Variants in LYPD1 observed in about 807,000 individuals in gnomAD.
LYPD1 encodes ly6/PLAUR domain-containing protein 1.
Under a neutral mutation model 14.2 loss-of-function variants are expected in LYPD1, and 14 were observed. That is an observed-to-expected ratio of 0.99 (90% confidence interval 0.65 to 1.54). The LOEUF is 1.54. Among genes scored for constraint, LYPD1 ranks in the 40% most tolerant of loss-of-function variants. The pLI, the probability that LYPD1 is intolerant of heterozygous loss-of-function variation, is 0.00. For synonymous variants in LYPD1, 85 were observed against 70.6 expected (o/e 1.20, Z -1.02); for missense variants, 165 against 175.7 (o/e 0.94, Z 0.34).
intron 2 of LYPD1, among the ~76,000 whole-genome samples, chr2:132,653,190 A>C (rs1682421867): frequency 6.6e-6 from 1 of 152,162 alleles, no homozygotes; most frequent in Non-Finnish European, 1.5e-5. Flanking sequence ...AAGAACATGA[A>C]CCCTGGAGTC....
chr2:132,662,439 C>A (rs554968528), intron 2 of LYPD1, among the ~76,000 whole-genome samples: 20 of 152,284 alleles, frequency 1.3e-4, no homozygotes, highest in Middle Eastern at 3.4e-3. Context: ...GTTCTCTCCC[C>A]TAAGGGAGCC....
intron 2 of LYPD1, among the ~76,000 whole-genome samples, chr2:132,661,321 G>A (rs1164561534): frequency 6.6e-6 from 1 of 152,232 alleles, no homozygotes; most frequent in Non-Finnish European, 1.5e-5. Flanking sequence ...GCAGATGTTT[G>A]ATGAACACCA....
rs775525749 is a variant in LYPD1 at position 132,643,785 on chromosome 2, A to G, written c.*2260T>C. 6.6e-5 allele frequency among the ~76,000 whole-genome samples: 10 copies of G among 152,124 alleles called. No homozygotes were observed. Among genetic ancestry groups the G allele is most frequent in the Middle Eastern group, 3.2e-3 (1 of 316 alleles). On this transcript the variant is annotated 3_prime_UTR_variant, in exon 3 of 3. Transcript: ENST00000397463. ...TCCTTCTGCCTTGGCCTCCCAGAGT[A>G]TTGAGATATCAGGCATGCGCCACCA...
intron 2 of LYPD1, among the ~76,000 whole-genome samples, chr2:132,657,373 C>T (rs1682661228): frequency 6.6e-6 from 1 of 152,180 alleles, no homozygotes; most frequent in African/African-American, 2.4e-5. Flanking sequence ...TCAGTATTAA[C>T]AGTGCCCCCT....
chr2:132,644,844 G>A lies in LYPD1; in HGVS notation c.*1201C>T, dbSNP rs1382204696. On this transcript the variant is annotated 3_prime_UTR_variant, in exon 3 of 3. Coordinates refer to ENST00000397463, the MANE Select transcript of LYPD1 (RefSeq NM_144586.7). Reference sequence around the variant, plus strand: ...TTTTTAAAATTAACAGACATCAACTGGTATAAATACACTGTCTAAAGCATT... The same window carrying A: ...TTTTTAAAATTAACAGACATCAACTAGTATAAATACACTGTCTAAAGCATT... 11 of 476,262 alleles carry A rather than the reference G, an allele frequency of 2.3e-5. No homozygotes were observed. The highest frequency in any genetic ancestry group is 3.3e-5 in the Non-Finnish European group (9 of 271,856). The allele number at this position is 476,262 out of a possible 1,614,324, so 29.5% of individuals were successfully genotyped here. A position where few individuals can be genotyped will look rare whatever the true frequency, so the allele number is the denominator to read the frequency against.
At chr2:132,648,324 G>A (rs1682219078) in intron 2 of LYPD1, among the ~76,000 whole-genome samples, 1 of 152,254 alleles carries the variant, frequency 6.6e-6, no homozygotes, top group African/African-American at 2.4e-5. Context: ...TCAGTAAGGT[G>A]AAAATGGACC....
At position 132,645,437 on chromosome 2, in the gene LYPD1, G is replaced by T. The variant is rs2104886944; in HGVS notation, c.*608C>A. The T allele has an allele frequency of 1.9e-6, 3 of 1,613,544 alleles. No individual in the cohort carries two copies. Among genetic ancestry groups the T allele is most frequent in the Non-Finnish European group, 2.5e-6 (3 of 1,180,028 alleles). On this transcript the variant is annotated 3_prime_UTR_variant, in exon 3 of 3. Transcript: ENST00000397463. ...CGCCCGTTGCTCTTCGCGTCCCGGC[G>T]CCAGTCCTCTGCAAGGAGAACTGAG... is the stretch of plus-strand genomic sequence containing the variant.
chr2:132,658,782 G>A (rs1682751547), intron 2 of LYPD1, among the ~76,000 whole-genome samples: 1 of 152,174 alleles, frequency 6.6e-6, no homozygotes, highest in Admixed American at 6.5e-5. Flanking sequence ...TGCATCTTCT[G>A]TGTGGGTGAG....
rs975770611 is a variant in LYPD1 at position 132,643,317 on chromosome 2, G to A, written c.*2728C>T. On this transcript the variant is annotated 3_prime_UTR_variant, in exon 3 of 3. Coordinates refer to ENST00000397463, the MANE Select transcript of LYPD1 (RefSeq NM_144586.7). ...AATTGGCTTATATTTCAAAGTTTTAGGCTGGGAGTTGACAGGAGAAACCTG... is the reference window on the plus strand; with the variant it reads ...AATTGGCTTATATTTCAAAGTTTTAAGCTGGGAGTTGACAGGAGAAACCTG... 2.6e-5 allele frequency among the ~76,000 whole-genome samples: 4 copies of A among 152,166 alleles called. No homozygotes were observed. Among genetic ancestry groups the A allele is most frequent in the African/African-American group, 9.7e-5 (4 of 41,424 alleles).
In LYPD1 at chr2:132,644,823, T is replaced by A. The variant is rs549778402; in HGVS notation, c.*1222A>T. ...ACAAACACCAATGAAAACATTTTTT[T>A]AAAATTAACAGACATCAACTGGTAT... On this transcript the variant is annotated 3_prime_UTR_variant, in exon 3 of 3. Coordinates refer to ENST00000397463, the MANE Select transcript of LYPD1 (RefSeq NM_144586.7). The A allele has an allele frequency of 2.3e-5, 9 of 395,676 alleles. No individual in the cohort carries two copies. In the South Asian group the frequency reaches 2.3e-4, roughly 10 times the overall value. The allele number at this position is 395,676 out of a possible 1,614,324, so 24.5% of individuals were successfully genotyped here. A position where few individuals can be genotyped will look rare whatever the true frequency, so the allele number is the denominator to read the frequency against.
chr2:132,643,778 C>A lies in LYPD1; in HGVS notation c.*2267G>T, dbSNP rs145735926. Among the ~76,000 whole-genome samples the A allele has an allele frequency of 2.6e-5, 4 of 152,264 alleles. No homozygotes were observed. The highest frequency in any genetic ancestry group is 7.2e-5 in the African/African-American group (3 of 41,554). On this transcript the variant is annotated 3_prime_UTR_variant, in exon 3 of 3. Coordinates refer to ENST00000397463, the MANE Select transcript of LYPD1 (RefSeq NM_144586.7). ...TAAGTGATCCTTCTGCCTTGGCCTC[C>A]CAGAGTATTGAGATATCAGGCATGC...
At chr2:132,646,569 T>TAA (rs1553462625) in intron 2 of LYPD1, 2 of 303,508 alleles carry the variant, frequency 6.6e-6, no homozygotes, top group Middle Eastern at 9.2e-4. Context: ...ATTTACATTT[T>TAA]AAGTCAGAGT....
In LYPD1 at chr2:132,655,757, G is replaced by A. The variant is rs10195418; in HGVS notation, c.191-9477C>T. ...TCTCGATCTCCTGACCTCGTGATCCGCCCACCTCAGCCTCCCAAAGTGCTG... is the reference window on the plus strand; with the variant it reads ...TCTCGATCTCCTGACCTCGTGATCCACCCACCTCAGCCTCCCAAAGTGCTG... On this transcript the variant is annotated intron_variant, in intron 2 of 2. Transcript: ENST00000397463. 1.9e-3 allele frequency among the ~76,000 whole-genome samples: 284 copies of A among 151,908 alleles called. 1 individual carries two copies. The highest frequency in any genetic ancestry group is 6.4e-3 in the African/African-American group (265 of 41,450).
chr2:132,668,045 A>G (rs1462598605), intron 2 of LYPD1, among the ~76,000 whole-genome samples: 1 of 152,232 alleles, frequency 6.6e-6, no homozygotes, highest in East Asian at 1.9e-4. Context: ...CAGGCTGACA[A>G]TGCTCACAGG....
chr2:132,665,794 T>C (rs746039278), intron 2 of LYPD1, among the ~76,000 whole-genome samples: 90 of 152,160 alleles, frequency 5.9e-4, no homozygotes, highest in Non-Finnish European at 1.2e-3. Context: ...CCACAGACTA[T>C]GAAATGGGCT....
At chr2:132,664,775 TGTCA>T (rs1251165791) in intron 2 of LYPD1, among the ~76,000 whole-genome samples, 2 of 152,238 alleles carry the variant, frequency 1.3e-5, no homozygotes, top group African/African-American at 4.8e-5. Flanking sequence ...AAGATTGCAC[TGTCA>T]AACAAATGCA....
rs554693649 is a variant in LYPD1, at chr2:132,654,960, C to T, written c.191-8680G>A. Among the ~76,000 whole-genome samples the T allele has an allele frequency of 2.6e-5, 4 of 151,940 alleles. 1 individual carries two copies. Among genetic ancestry groups the T allele is most frequent in the South Asian group, 4.2e-4 (2 of 4,798 alleles). On this transcript the variant is annotated intron_variant, in intron 2 of 2. Transcript: ENST00000397463. ...AGACGGGGTTTCACCATGTTAGCCA[C>T]GATGGTCTCGATCTCCTGACCTCGT...
At chr2:132,666,545 G>A (rs1001583815) in intron 2 of LYPD1, 2 of 152,168 alleles carry the variant, frequency 1.3e-5, no homozygotes, top group African/African-American at 4.8e-5. Flanking sequence ...GCCTGGTTTG[G>A]AGACAAGGTA....
In LYPD1 at chr2:132,669,527, G is replaced by A. The variant is rs1233708274; in HGVS notation, c.52+354C>T. Among the ~76,000 whole-genome samples, 1 of 152,120 alleles carries A rather than the reference G, an allele frequency of 6.6e-6. No individual in the cohort carries two copies. The highest frequency in any genetic ancestry group is 6.5e-5 in the Admixed American group (1 of 15,282). ...GCGGCGCCACTCCCACGGGGTGCCG[G>A]AGGCGCCAGACAACTTGGCAGGGTT... is the stretch of plus-strand genomic sequence containing the variant. On this transcript the variant is annotated intron_variant, in intron 1 of 2. Transcript: ENST00000397463. This position sits in a 1 kb window ranked among gnomAD's most constrained non-coding sequence, Gnocchi z 4.3.
Sources: gnomAD v4.1 joint callset for allele counts (sites outside exome capture counted in the v4.1 genomes callset) on GRCh38, gnomAD v4.1.1 for gene constraint, Gnocchi (gnomAD v3.1) non-coding constraint, MANE v1.5 for transcripts, NCBI Gene and HGNC (gene_info 2026-07-23, HGNC 2026-07-21) for gene names.